The following PACC1 variants were observed in gnomAD, a reference collection of about 807,000 sequenced individuals.
PACC1 encodes the protein proton-activated chloride channel.
In PACC1, 34 loss-of-function variants were observed where a neutral mutation model predicts 39.7. That is an observed-to-expected ratio of 0.86 (90% CI 0.65 to 1.14). PACC1 has a LOEUF of 1.14. Among genes scored for constraint, PACC1 ranks in the 50% most tolerant of loss-of-function variants. PACC1 has a pLI of 0.00. For missense variants in PACC1, 379 were observed against 436.4 expected (o/e 0.87, Z 1.17); for synonymous variants, 127 against 160.6 (o/e 0.79, Z 1.58).
intron 2 of PACC1, among the ~76,000 whole-genome samples, chr1:212,400,204 G>C (rs183795487): frequency 6.6e-6 from 1 of 152,184 alleles, no homozygotes; most frequent in Admixed American, 6.5e-5. Flanking sequence ...TAATAAAGAC[G>C]AACGATGACT....
In PACC1 at chr1:212,387,582, C is replaced by A. The variant is rs142210471; in HGVS notation, c.134-482G>T. The stretch of plus-strand genomic sequence containing the variant: ...TCGACTTTCTGTTCTTCTGGAGTGC[C>A]CTTCTCAACCCGGGATTCCCTCACA... On this transcript the variant is annotated intron_variant, in intron 2 of 7. Transcript: ENST00000261455. 2.6e-3 allele frequency: 410 copies of A among 160,286 alleles called. 2 individuals are homozygous for A. The highest frequency in any genetic ancestry group is 9.0e-3 in the African/African-American group (373 of 41,548). 9.9% of individuals were successfully genotyped at this position (160,286 alleles called of 1,614,324 possible). A position where few individuals can be genotyped will look rare whatever the true frequency, so the allele number is the denominator to read the frequency against.
At chr1:212,409,144 C>T (rs1169330797) in intron 2 of PACC1, among the ~76,000 whole-genome samples, 1 of 152,186 alleles carries the variant, frequency 6.6e-6, no homozygotes, top group South Asian at 2.1e-4. Context: ...ATCCCCCAAC[C>T]TCCATCTGTG....
intron 2 of PACC1, among the ~76,000 whole-genome samples, chr1:212,401,347 T>C (rs11811938): frequency 0.52 from 79,659 of 151,876 alleles, 22,374 homozygotes; most frequent in African/African-American, 0.74. Flanking sequence ...GAGATACAGC[T>C]AGGCGCGGTG....
chr1:212,370,098 T>C (rs1660390170), intron 7 of PACC1, among the ~76,000 whole-genome samples: 1 of 152,214 alleles, frequency 6.6e-6, no homozygotes, highest in Admixed American at 6.5e-5. Context: ...ATGGACAGCT[T>C]ATCTAGACAG....
At chr1:212,405,998 C>T (rs1365734432) in intron 2 of PACC1, among the ~76,000 whole-genome samples, 1 of 149,110 alleles carries the variant, frequency 6.7e-6, no homozygotes, top group African/African-American at 2.5e-5. Flanking sequence ...AAAAATTAGC[C>T]AGGTATGGTG....
At chr1:212,381,566 C>T (rs538241346) in intron 4 of PACC1, among the ~76,000 whole-genome samples, 10 of 152,176 alleles carry the variant, frequency 6.6e-5, no homozygotes, top group African/African-American at 1.2e-4. Context: ...AATGTAGCCA[C>T]GTGATAAAGT....
In PACC1 at chr1:212,364,383, C is replaced by T. The variant is rs1279856813; in HGVS notation, c.*832G>A. The T allele has an allele frequency of 1.3e-5, 2 of 152,258 alleles. No homozygotes were observed. Among genetic ancestry groups the T allele is most frequent in the East Asian group, 1.9e-4 (1 of 5,176 alleles). 9.4% of individuals were successfully genotyped at this position (152,258 alleles called of 1,614,324 possible). On this transcript the variant is annotated 3_prime_UTR_variant, in exon 8 of 8. Coordinates refer to ENST00000261455, the MANE Select transcript of PACC1 (RefSeq NM_018252.3). ...TGGGAGTCAGATCCATCTTGGGAGT[C>T]CAGACTCATACTACCTTTTTGTCCT...
At chr1:212,388,223 G>C (rs1235763145) in intron 2 of PACC1, among the ~76,000 whole-genome samples, 2 of 151,950 alleles carry the variant, frequency 1.3e-5, no homozygotes, top group African/African-American at 4.8e-5. Flanking sequence ...ATCCTCCTAG[G>C]CTGTGAGTTC....
chr1:212,392,722 A>C (rs544145706), intron 2 of PACC1, among the ~76,000 whole-genome samples: 4 of 152,198 alleles, frequency 2.6e-5, no homozygotes, highest in Admixed American at 2.0e-4. Flanking sequence ...ATAGGCTCAA[A>C]ATAAAGGGAT....
At chr1:212,372,267 A>G (rs1451432601) in intron 7 of PACC1, among the ~76,000 whole-genome samples, 1 of 148,502 alleles carries the variant, frequency 6.7e-6, no homozygotes, top group Non-Finnish European at 1.5e-5. Context: ...GCTGGGAGAC[A>G]GAATGAAACT....
intron 2 of PACC1, among the ~76,000 whole-genome samples, chr1:212,402,671 C>G (rs1370799756): frequency 6.6e-6 from 1 of 151,944 alleles, no homozygotes; most frequent in African/African-American, 2.4e-5. Context: ...TTGAGGGGGA[C>G]GGGAATGGAG....
chr1:212,391,013 G>A (rs1335018311), intron 2 of PACC1, among the ~76,000 whole-genome samples: 1 of 152,256 alleles, frequency 6.6e-6, no homozygotes, highest in Non-Finnish European at 1.5e-5. Context: ...CCACCTCTGG[G>A]GGCAGGGCAT....
At chr1:212,396,797 TATCTATCTATCTATCTATCTATC>T (rs1661539868) in intron 2 of PACC1, among the ~76,000 whole-genome samples, 1 of 582 alleles carries the variant, frequency 1.7e-3, no homozygotes, top group African/African-American at 0.018. Context: ...GGGAAAAAAA[TATCTATCTATCTATCTATCTATC>T]TATCTATCTA....
intron 1 of PACC1, 52 bp downstream of exon 1, chr1:212,414,670 G>A (rs1662266239): frequency 1.9e-6 from 3 of 1,609,374 alleles, no homozygotes; most frequent in African/African-American, 1.3e-5. Context: ...CAGGCCCCCG[G>A]GACCCTGCTC....
At chr1:212,366,000 C>T (rs3767864) in intron 7 of PACC1, among the ~76,000 whole-genome samples, 81,156 of 151,956 alleles carry the variant, frequency 0.53, 21,964 homozygotes, top group South Asian at 0.62. Flanking sequence ...CTCCCAAACT[C>T]AGAGGAGGAT....
At chr1:212,411,750 C>T (rs17018997) in intron 1 of PACC1, among the ~76,000 whole-genome samples, 40,398 of 152,022 alleles carry the variant, frequency 0.27, 7,368 homozygotes, top group African/African-American at 0.52. Context: ...ACATCTCTTA[C>T]GAATCTATTC....
At chr1:212,396,876 G>A (rs530449106) in intron 2 of PACC1, among the ~76,000 whole-genome samples, 3 of 151,226 alleles carry the variant, frequency 2.0e-5, no homozygotes, top group East Asian at 1.9e-4. Flanking sequence ...TGATATTAAC[G>A]ACAACTAATT....
At chr1:212,394,130 A>G (rs1661428164) in intron 2 of PACC1, among the ~76,000 whole-genome samples, 1 of 150,998 alleles carries the variant, frequency 6.6e-6, no homozygotes, top group Admixed American at 6.6e-5. Context: ...CAGAGACACA[A>G]CAACAAAAGA....
At chr1:212,410,856 T>A (rs1400118545) in intron 1 of PACC1, among the ~76,000 whole-genome samples, 2 of 152,192 alleles carry the variant, frequency 1.3e-5, no homozygotes, top group African/African-American at 4.8e-5. Flanking sequence ...GGTGAGGAAA[T>A]CTGTTCCATG....
Sources: allele counts gnomAD v4.1 joint callset (sites outside exome capture counted in the v4.1 genomes callset), GRCh38; gene constraint gnomAD v4.1.1; transcripts MANE v1.5; gene names NCBI Gene and HGNC (gene_info 2026-07-23, HGNC 2026-07-21).